Variants in SH3GL2 observed in about 807,000 individuals in gnomAD.
The protein encoded by SH3GL2 is endophilin-A1.
SH3GL2 carries 24 observed loss-of-function variants against 46.0 expected under a neutral mutation model. That is an observed-to-expected ratio of 0.52 (90% CI 0.38 to 0.73). The LOEUF is 0.73. SH3GL2 is among the 30% of genes least tolerant of loss of function. The pLI, the probability that SH3GL2 is intolerant of heterozygous loss-of-function variation, is 0.00. For synonymous variants in SH3GL2, 196 were observed against 147.1 expected, an observed-to-expected ratio of 1.33 and a Z score of -2.40; for missense variants, 413 against 424.2, an observed-to-expected ratio of 0.97 and a Z score of 0.23.
chr9:17,654,012 A>T (rs1387437959), intron 1 of SH3GL2: 4 of 195,742 alleles, frequency 2.0e-5, no homozygotes, highest in Non-Finnish European at 2.8e-5. Context: ...CTATCCTGTC[A>T]TTATCCCTTC....
chr9:17,678,463 C>T (rs1473808832), intron 1 of SH3GL2, among the ~76,000 whole-genome samples: 1 of 152,100 alleles, frequency 6.6e-6, no homozygotes, highest in African/African-American at 2.4e-5. Flanking sequence ...ATATCCTTCG[C>T]CCACTTTTTG....
chr9:17,584,711 CATA>C (rs1409315947), intron 1 of SH3GL2, among the ~76,000 whole-genome samples: 2 of 152,090 alleles, frequency 1.3e-5, no homozygotes, highest in Non-Finnish European at 2.9e-5. Flanking sequence ...GCCATGCTTG[CATA>C]ATAAGGATCA....
intron 3 of SH3GL2, among the ~76,000 whole-genome samples, chr9:17,764,699 GGTACATGGACA>G (rs962143210): frequency 9.8e-6 from 1 of 102,056 alleles, no homozygotes; most frequent in Non-Finnish European, 2.0e-5. Flanking sequence ...TCACATCTTG[GGTACATGGACA>G]GGCCAGGGGA....
At chr9:17,651,915 C>A (rs1480894814) in intron 1 of SH3GL2, among the ~76,000 whole-genome samples, 1 of 152,012 alleles carries the variant, frequency 6.6e-6, no homozygotes, top group African/African-American at 2.4e-5. Flanking sequence ...TGGTGTGAGT[C>A]GGGGATCTTT....
At chr9:17,667,345 A>G (rs1291129276) in intron 1 of SH3GL2, among the ~76,000 whole-genome samples, 2 of 152,132 alleles carry the variant, frequency 1.3e-5, no homozygotes, top group African/African-American at 4.8e-5. Context: ...TCCTAAAAAG[A>G]AACCCCATGC....
chr9:17,644,826 A>G (rs1819767027), intron 1 of SH3GL2, among the ~76,000 whole-genome samples: 1 of 152,150 alleles, frequency 6.6e-6, no homozygotes, highest in South Asian at 2.1e-4. Context: ...AGTTCTGTAG[A>G]TGTCTATTAG....
At chr9:17,740,929 T>C (rs776564110) in intron 1 of SH3GL2, among the ~76,000 whole-genome samples, 3 of 152,118 alleles carry the variant, frequency 2.0e-5, no homozygotes, top group Non-Finnish European at 2.9e-5. Context: ...ATTTTCTTTT[T>C]CACGCAACTA....
chr9:17,640,305 A>G (rs1819646976), intron 1 of SH3GL2, among the ~76,000 whole-genome samples: 1 of 152,114 alleles, frequency 6.6e-6, no homozygotes, highest in African/African-American at 2.4e-5. Flanking sequence ...TTATATTCTT[A>G]TTCTTTCAGT....
At chr9:17,757,415 C>T (rs1269855152) in intron 2 of SH3GL2, among the ~76,000 whole-genome samples, 2 of 152,158 alleles carry the variant, frequency 1.3e-5, no homozygotes, top group Non-Finnish European at 2.9e-5. Context: ...ATTCATCTGA[C>T]AAAGAGCTAA....
chr9:17,583,007 A>T (rs1361882694), intron 1 of SH3GL2, among the ~76,000 whole-genome samples: 1 of 152,206 alleles, frequency 6.6e-6, no homozygotes, highest in Non-Finnish European at 1.5e-5. Flanking sequence ...ATCTTAAATA[A>T]TTACCATCTG....
chr9:17,673,631 C>T (rs1009322724), intron 1 of SH3GL2, among the ~76,000 whole-genome samples: 8 of 152,282 alleles, frequency 5.3e-5, no homozygotes, highest in African/African-American at 1.9e-4. Flanking sequence ...TACTAGCCAG[C>T]CATGATCTCC....
Position 17,635,996 on chromosome 9 carries a change from A to G in SH3GL2, c.45+56709A>G, listed in dbSNP as rs191213079. On this transcript the variant is annotated intron_variant, in intron 1 of 8. Transcript: ENST00000380607. The stretch of plus-strand genomic sequence containing the variant: ...ATGTGGGCCCAAGACCTGCCAAGGT[A>G]TTCAAGTACAGCCACACTGAAGCTT... 3.9e-5 allele frequency among the ~76,000 whole-genome samples: 6 copies of G among 152,316 alleles called. No homozygotes were observed. In the East Asian group the frequency reaches 1.2e-3, roughly 29 times the overall value.
intron 1 of SH3GL2, among the ~76,000 whole-genome samples, chr9:17,647,513 C>T (rs1458416183): frequency 6.6e-6 from 1 of 151,992 alleles, no homozygotes; most frequent in Non-Finnish European, 1.5e-5. Context: ...AAATTGAGAC[C>T]ACAAAGCTGT....
intron 1 of SH3GL2, among the ~76,000 whole-genome samples, chr9:17,660,178 C>T (rs1166449526): frequency 6.6e-6 from 1 of 152,112 alleles, no homozygotes; most frequent in African/African-American, 2.4e-5. Flanking sequence ...TTCACGTGTG[C>T]TTTCTTTGGC....
At chr9:17,585,303 C>T (rs1818353027) in intron 1 of SH3GL2, among the ~76,000 whole-genome samples, 1 of 152,126 alleles carries the variant, frequency 6.6e-6, no homozygotes, top group African/African-American at 2.4e-5. Context: ...CCTGATGGGG[C>T]TTTCTAGAGA....
chr9:17,694,600 A>G (rs879371999), intron 1 of SH3GL2, among the ~76,000 whole-genome samples: 12 of 152,210 alleles, frequency 7.9e-5, no homozygotes, highest in Non-Finnish European at 1.6e-4. Context: ...ACTAGAGCTG[A>G]AGACAGACAG....
intron 6 of SH3GL2, 69 bp downstream of exon 6, chr9:17,789,619 T>C: frequency 6.3e-7 from 1 of 1,596,826 alleles, no homozygotes; most frequent in South Asian, 1.1e-5. Context: ...TTAAAGGCCA[T>C]AACCCTTAAA....
chr9:17,739,937 G>C (rs1024313645), intron 1 of SH3GL2, among the ~76,000 whole-genome samples: 7 of 152,082 alleles, frequency 4.6e-5, no homozygotes, highest in African/African-American at 1.7e-4. Context: ...TTTCCATAAA[G>C]TGTTTGGCAA....
At chr9:17,649,495 CAT>C (rs1646745247) in intron 1 of SH3GL2, among the ~76,000 whole-genome samples, 1 of 152,254 alleles carries the variant, frequency 6.6e-6, no homozygotes, top group South Asian at 2.1e-4. Context: ...TGAAAAAAAT[CAT>C]AATTGTATGA....
Sources: allele counts gnomAD v4.1 joint callset (sites outside exome capture counted in the v4.1 genomes callset), GRCh38; gene constraint gnomAD v4.1.1; transcripts MANE v1.5; gene names NCBI Gene and HGNC (gene_info 2026-07-23, HGNC 2026-07-21).